CES5A: variants seen among roughly 807,000 people sequenced by gnomAD.
CES5A encodes carboxylesterase 5.
CES5A carries 67 observed loss-of-function variants against 62.9 expected under a neutral mutation model. That is an observed-to-expected ratio of 1.07 (90% CI 0.88 to 1.31). The LOEUF (loss-of-function observed/expected upper bound fraction) is 1.31. Among genes scored for constraint, CES5A ranks in the 50% most tolerant of loss-of-function variants. CES5A has a pLI of 0.00. For synonymous variants in CES5A, 296 were observed against 280.8 expected (o/e 1.05, Z -0.54); for missense variants, 748 against 708.5 (o/e 1.06, Z -0.63).
At chr16:55,936,227 T>C (rs567517462) in intron 2 of CES5A, among the ~76,000 whole-genome samples, 3 of 152,232 alleles carry the variant, frequency 2.0e-5, no homozygotes, top group Non-Finnish European at 4.4e-5. Context: ...CTTGGAAATC[T>C]ACTTTCCATG....
intron 1 of CES5A, among the ~76,000 whole-genome samples, chr16:55,891,269 G>A (rs1303720277): frequency 6.6e-6 from 1 of 152,224 alleles, no homozygotes; most frequent in Non-Finnish European, 1.5e-5. Context: ...TTGTCCAGGT[G>A]TGTGCTCACC....
chr16:55,924,018 C>T (rs1005340263), intron 1 of CES5A, among the ~76,000 whole-genome samples: 12 of 151,822 alleles, frequency 7.9e-5, no homozygotes, highest in Non-Finnish European at 1.6e-4. Context: ...GACAAGTATG[C>T]CCACTTTCAC....
chr16:55,952,931 T>C (rs779658579), intron 1 of CES5A, among the ~76,000 whole-genome samples: 29 of 152,062 alleles, frequency 1.9e-4, no homozygotes, highest in Admixed American at 3.9e-4. Flanking sequence ...CATAACCAAA[T>C]ACCAAAAGTG....
At position 55,917,328 on chromosome 16, in the gene CES5A, A is replaced by C. The variant is rs567667983; in HGVS notation, c.-256+7995T>G. ...TGGTTTAAAACAATGAATACTTTTTATGTCACATTTTCTGTAAGTGAGAAA... is the reference window on the plus strand; with the variant it reads ...TGGTTTAAAACAATGAATACTTTTTCTGTCACATTTTCTGTAAGTGAGAAA... On this transcript the variant is annotated intron_variant, in intron 1 of 12. Coordinates refer to the CES5A transcript ENST00000518005. Among the ~76,000 whole-genome samples, 119 of 152,352 alleles carry C rather than the reference A, an allele frequency of 7.8e-4. 5 individuals carry two copies. The South Asian group carries it at 0.023, about 30-fold the overall frequency.
At chr16:55,900,095 C>CA (rs1219422589) in intron 1 of CES5A, among the ~76,000 whole-genome samples, 67 of 152,088 alleles carry the variant, frequency 4.4e-4, no homozygotes, top group Non-Finnish European at 4.4e-5. Context: ...TGCAGACCCC[C>CA]CTTCATCCCT....
intron 2 of CES5A, among the ~76,000 whole-genome samples, chr16:55,949,060 T>C (rs1276231587): frequency 1.3e-5 from 2 of 152,208 alleles, no homozygotes; most frequent in Admixed American, 6.5e-5. Flanking sequence ...AAGGTTTCTG[T>C]AGCCAAATAT....
chr16:55,929,483 T>C (rs1788269127), upstream of CES5A, among the ~76,000 whole-genome samples: 1 of 151,978 alleles, frequency 6.6e-6, no homozygotes, highest in Admixed American at 6.6e-5. Context: ...ACTCCCCACA[T>C]CCACACTGGC....
chr16:55,944,737 G>A (rs2034476743), intron 2 of CES5A, among the ~76,000 whole-genome samples: 1 of 152,120 alleles, frequency 6.6e-6, no homozygotes, highest in South Asian at 2.1e-4. Flanking sequence ...ATCTTCCCTG[G>A]GTACAGCTTC....
chr16:55,897,600 T>A (rs1405691254), intron 1 of CES5A, among the ~76,000 whole-genome samples: 1 of 152,170 alleles, frequency 6.6e-6, no homozygotes, highest in Non-Finnish European at 1.5e-5. Context: ...ATTTTCTGGA[T>A]GGAAGGACTT....
At chr16:55,906,439 A>T (rs1353707299) in intron 1 of CES5A, among the ~76,000 whole-genome samples, 2 of 152,202 alleles carry the variant, frequency 1.3e-5, no homozygotes, top group Non-Finnish European at 2.9e-5. Context: ...GGGCAGAAAG[A>T]TGTCTCCATT....
At chr16:55,953,954 G>T (rs2034582976) in intron 1 of CES5A, among the ~76,000 whole-genome samples, 1 of 152,096 alleles carries the variant, frequency 6.6e-6, no homozygotes, top group Non-Finnish European at 1.5e-5. Context: ...ACTATAGTCA[G>T]CCTGTTGTGC....
intron 1 of CES5A, among the ~76,000 whole-genome samples, chr16:55,912,571 T>TGGAGGA (rs150812897): frequency 2.7e-5 from 4 of 147,676 alleles, no homozygotes; most frequent in Non-Finnish European, 6.0e-5. Flanking sequence ...GATGAGGACA[T>TGGAGGA]GGAGGAGGAG....
intron 1 of CES5A, among the ~76,000 whole-genome samples, chr16:55,888,515 T>C (rs2033839963): frequency 6.6e-6 from 1 of 152,224 alleles, no homozygotes; most frequent in African/African-American, 2.4e-5. Flanking sequence ...AAATCTCAAC[T>C]AAAGACCCTT....
chr16:55,886,059 G>A (rs965252450), intron 1 of CES5A, among the ~76,000 whole-genome samples: 23 of 152,328 alleles, frequency 1.5e-4, no homozygotes, highest in Middle Eastern at 3.4e-3. Context: ...ACGGCTAGCT[G>A]GTGGAAGAGG....
chr16:55,870,028 A>T (rs771788769), intron 3 of CES5A, among the ~76,000 whole-genome samples: 16 of 152,244 alleles, frequency 1.1e-4, no homozygotes, highest in Non-Finnish European at 1.5e-5. Flanking sequence ...GAAGGAAAGT[A>T]TCTCACTTAT....
At chr16:55,864,545 A>G (rs2033416996) in intron 5 of CES5A, among the ~76,000 whole-genome samples, 2 of 152,244 alleles carry the variant, frequency 1.3e-5, no homozygotes, top group African/African-American at 4.8e-5. Context: ...GTATGTGTAC[A>G]AAGAAAATCA....
At chr16:55,937,027 C>T (rs2034384208) in intron 2 of CES5A, among the ~76,000 whole-genome samples, 2 of 152,186 alleles carry the variant, frequency 1.3e-5, no homozygotes, top group African/African-American at 4.8e-5. Context: ...CAGGCAGATA[C>T]ATGATACTAT....
In CES5A at chr16:55,942,875, A is replaced by G. The variant is rs556784654; in HGVS notation, c.160+6910T>C. Among the ~76,000 whole-genome samples the G allele has an allele frequency of 9.1e-4, 138 of 152,332 alleles. 1 individual carries two copies. The South Asian group carries it at 0.013, about 14-fold the overall frequency. On this transcript the variant is annotated intron_variant, in intron 2 of 13. Transcript: ENST00000521992. ...GAAAAAACAACCTGGATGAATCTCA[A>G]AAACATTACAGTGGACAAAGGAAGC...
chr16:55,934,656 G>T (rs1318192599), intron 2 of CES5A, among the ~76,000 whole-genome samples: 6 of 135,568 alleles, frequency 4.4e-5, no homozygotes, highest in Non-Finnish European at 9.7e-5. Context: ...AAATTGTGTG[G>T]GGTGTGTGTG....
Sources: allele counts gnomAD v4.1 joint callset (sites outside exome capture counted in the v4.1 genomes callset), GRCh38; gene constraint gnomAD v4.1.1; transcripts MANE v1.5; gene names NCBI Gene and HGNC (gene_info 2026-07-23, HGNC 2026-07-21).